Variants in PCLO observed in about 807,000 individuals in gnomAD.
PCLO encodes the protein protein piccolo.
A neutral mutation model predicts 427.5 loss-of-function variants in PCLO; 82 were observed. The ratio of observed to expected loss-of-function variants is 0.19; its 90% CI spans 0.16 to 0.23. PCLO has a LOEUF of 0.23. PCLO is among the 10% of genes least tolerant of loss of function. The pLI, the probability that PCLO is intolerant of heterozygous loss-of-function variation, is 1.00. For missense variants in PCLO, 6,239 were observed against 6,115.9 expected (o/e 1.02, Z -0.67); for synonymous variants, 2,357 against 2,155.4 (o/e 1.09, Z -2.59).
chr7:83,080,926 T>A (rs1790082909), intron 3 of PCLO, among the ~76,000 whole-genome samples: 1 of 151,618 alleles, frequency 6.6e-6, no homozygotes, highest in African/African-American at 2.4e-5. Context: ...CAATAACTAA[T>A]AATAAAATAA....
chr7:82,934,068 A>T (rs1794897662), intron 6 of PCLO, among the ~76,000 whole-genome samples: 1 of 152,028 alleles, frequency 6.6e-6, no homozygotes, highest in East Asian at 1.9e-4. Flanking sequence ...TTTGCATATG[A>T]TGTAATATTA....
chr7:82,807,695 C>T (rs539570110), intron 20 of PCLO, among the ~76,000 whole-genome samples: 2 of 151,878 alleles, frequency 1.3e-5, no homozygotes, highest in South Asian at 4.2e-4. Context: ...GATCCCTTCC[C>T]GAGAATAGGG....
chr7:82,867,984 G>T (rs1793138467), intron 10 of PCLO: 2 of 363,390 alleles, frequency 5.5e-6, no homozygotes, highest in East Asian at 1.5e-4. Flanking sequence ...TCACAGAAGA[G>T]AGTTTCCTAA....
chr7:82,869,643 A>T (rs1351662191), intron 10 of PCLO, among the ~76,000 whole-genome samples: 5 of 151,986 alleles, frequency 3.3e-5, no homozygotes, highest in African/African-American at 7.2e-5. Flanking sequence ...AGAAAAATAG[A>T]CCAGAACAGA....
intron 14 of PCLO, among the ~76,000 whole-genome samples, chr7:82,839,722 A>G (rs1411584395): frequency 6.6e-6 from 1 of 152,030 alleles, no homozygotes; most frequent in East Asian, 1.9e-4. Flanking sequence ...CCACCCGAAG[A>G]GAGTGCTTTT....
In PCLO at chr7:83,069,898, G is replaced by A. The variant is rs184260691; in HGVS notation, c.3300+64352C>T. ...AGGGAGGAGGGAAAAGTACACCTTC[G>A]AGCCCTGTGGTGGTTTTAAAGATAT... is the stretch of plus-strand genomic sequence containing the variant. On this transcript the variant is annotated intron_variant, in intron 3 of 24. Coordinates refer to ENST00000333891, the MANE Select transcript of PCLO (RefSeq NM_033026.6). Among the ~76,000 whole-genome samples the A allele has an allele frequency of 1.5e-3, 230 of 150,944 alleles. 8 individuals are homozygous for A. In the East Asian group the frequency reaches 0.04, roughly 26 times the overall value.
chr7:82,902,527 G>A, intron 9 of PCLO, 124 bp downstream of exon 9: 1 of 595,740 alleles, frequency 1.7e-6, no homozygotes, highest in Admixed American at 2.6e-5. Flanking sequence ...GTATACATAT[G>A]TAACTAACAT....
Position 82,954,877 on chromosome 7 carries a change from G to A in PCLO, c.6076C>T (p.Gln2026Ter). ...ELESLHSVVP[Q>*]EDIVSSSFII... The stretch of plus-strand genomic sequence containing the variant: ...AAAGAGCTTGAAACAATATCTTCCT[G>A]AGGCACAACAGAATGTAAGCTTTCT... The change falls in exon 5 of 25, where the codon CAG becomes TAG. Residue 2026 changes from glutamine to a stop codon, truncating the protein, a stop_gained. Transcript: ENST00000333891. LOFTEE classifies it high-confidence loss of function. 6.2e-7 allele frequency: 1 copy of A among 1,613,858 alleles called. No individual in the cohort carries two copies. The highest frequency in any genetic ancestry group is 8.5e-7 in the Non-Finnish European group (1 of 1,179,822).
intron 3 of PCLO, among the ~76,000 whole-genome samples, chr7:83,014,764 T>C (rs907147455): frequency 6.6e-6 from 1 of 152,062 alleles, no homozygotes; most frequent in African/African-American, 2.4e-5. Flanking sequence ...CAGCAGACAG[T>C]CAAATTATGT....
chr7:82,915,433 A>G lies in PCLO; in HGVS notation c.12553T>C (p.Tyr4185His). 2 of 1,613,600 alleles carry G rather than the reference A, an allele frequency of 1.2e-6. No individual in the cohort carries two copies. The highest frequency in any genetic ancestry group is 1.7e-6 in the Non-Finnish European group (2 of 1,179,728). The change falls in exon 7 of 25, where the codon TAT (tyrosine) becomes CAT (histidine). Residue 4185 changes from tyrosine (Y) to histidine (H), a missense_variant. Tyr to His is a moderately conservative substitution (Grantham distance 83). Around this residue, in one of 5 missense-constraint regions of PCLO, gnomAD observed 680 missense variants for 677.3 expected, o/e 1.00. Transcript: ENST00000333891. The part of the protein sequence containing the change: ...AAKQLPAAIL[Y>H]QKQSKHKKSL... ...TTCTTATGCTTTGACTGCTTTTGAT[A>G]AAGTATGGCTGCTGGCAGTTGTTTT...
Position 82,883,063 on chromosome 7 carries a change from G to A in PCLO, c.13529-3601C>T, listed in dbSNP as rs1048564113. 9.9e-5 allele frequency among the ~76,000 whole-genome samples: 15 copies of A among 151,988 alleles called. No homozygotes were observed. The East Asian group carries it at 1.5e-3, about 16-fold the overall frequency. On this transcript the variant is annotated intron_variant, in intron 9 of 24. Transcript: ENST00000333891. ...TCATATCCTGTATCTAAGCATCAAC[G>A]GAAAGCAAAATTGGTATTAATGAAC...
intron 8 of PCLO, among the ~76,000 whole-genome samples, chr7:82,903,144 A>T (rs1794098725): frequency 6.6e-6 from 1 of 151,894 alleles, no homozygotes; most frequent in South Asian, 2.1e-4. Flanking sequence ...ATTTTCAGCA[A>T]TTAAGTTGTG....
In PCLO at chr7:83,038,041, A is replaced by T. The variant is rs1178201456; in HGVS notation, c.3301-71554T>A. On this transcript the variant is annotated intron_variant, in intron 3 of 24. Transcript: ENST00000333891. ...TATATATATATATATTTATATATTT[A>T]TATATATATCTTTATATATATATTT... is the stretch of plus-strand genomic sequence containing the variant. Among the ~76,000 whole-genome samples the T allele has an allele frequency of 1.3e-3, 59 of 45,862 alleles. 6 individuals carry two copies. The highest frequency in any genetic ancestry group is 1.6e-3 in the Non-Finnish European group (47 of 29,322). 30.1% of individuals were successfully genotyped at this position (45,862 alleles called of 152,430 possible).
chr7:82,942,656 C>A (rs1376305639), intron 6 of PCLO, among the ~76,000 whole-genome samples: 1 of 151,928 alleles, frequency 6.6e-6, no homozygotes, highest in Non-Finnish European at 1.5e-5. Context: ...AATATCTTTC[C>A]AATTACTAAT....
Position 83,101,280 on chromosome 7 carries a change from T to G in PCLO, c.3300+32970A>C, listed in dbSNP as rs536850739. ...TCATTAAAAACAACCAAAAAATAAT[T>G]TTTACAGTAAAGATATAAAACAGGA... On this transcript the variant is annotated intron_variant, in intron 3 of 24. Transcript: ENST00000333891. Among the ~76,000 whole-genome samples the G allele has an allele frequency of 3.8e-5, 5 of 132,002 alleles. No individual in the cohort carries two copies. In the South Asian group the frequency reaches 1.2e-3, roughly 32 times the overall value. 86.6% of individuals were successfully genotyped at this position (132,002 alleles called of 152,430 possible).
chr7:82,868,713 G>GT (rs962114310), intron 10 of PCLO, among the ~76,000 whole-genome samples: 24 of 152,228 alleles, frequency 1.6e-4, no homozygotes, highest in African/African-American at 5.8e-4. Flanking sequence ...GATATCACTG[G>GT]TTTTAGCTTT....
chr7:83,159,798 T>C (rs1792388089), intron 1 of PCLO, among the ~76,000 whole-genome samples: 1 of 151,836 alleles, frequency 6.6e-6, no homozygotes, highest in Non-Finnish European at 1.5e-5. Context: ...ATCTGTTAAT[T>C]TTTATATATT....
chr7:82,955,824 T>A lies in PCLO; in HGVS notation c.5129A>T (p.Asp1710Val). The A allele has an allele frequency of 1.9e-6, 3 of 1,613,978 alleles. No individual in the cohort carries two copies. Among genetic ancestry groups the A allele is most frequent in the Non-Finnish European group, 2.5e-6 (3 of 1,179,882 alleles). The change falls in exon 5 of 25, where the codon GAT becomes GTT. Residue 1710 changes from aspartate (D) to valine (V), a missense_variant. By Grantham distance (152) the Asp-to-Val change is radical. Coordinates refer to ENST00000333891, the MANE Select transcript of PCLO (RefSeq NM_033026.6). Reference protein sequence around the residue: ...EMESLTDSPEDRSRGEGSSSL... With the variant: ...EMESLTDSPEVRSRGEGSSSL... ...CGAAGATCCCTCTCCCCTTGACCTA[T>A]CTTCAGGTGAGTCTGTCAGGCTTTC... is the stretch of plus-strand genomic sequence containing the variant.
chr7:83,092,624 T>A (rs1562959595), intron 3 of PCLO, among the ~76,000 whole-genome samples: 1 of 152,096 alleles, frequency 6.6e-6, no homozygotes, highest in South Asian at 2.1e-4. Context: ...TACCATTTGA[T>A]ACAATCAGGA....
Sources: allele counts gnomAD v4.1 joint callset (sites outside exome capture counted in the v4.1 genomes callset), GRCh38; gene constraint gnomAD v4.1.1; regional missense constraint gnomAD v4.1.1; transcripts MANE v1.5; gene names NCBI Gene and HGNC (gene_info 2026-07-23, HGNC 2026-07-21).